The following ATOSB variants were observed in gnomAD, a reference collection of about 807,000 sequenced individuals.
The protein encoded by ATOSB is atos homolog protein B.
the ATOSB span, chr9:35,106,235 T>C: frequency 6.2e-7 from 1 of 1,612,620 alleles, no homozygotes; most frequent in South Asian, 1.1e-5. This position sits in a 1 kb window ranked among gnomAD's most constrained non-coding sequence, Gnocchi z 4.6. Context: ...GACTTTGGGG[T>C]TGGAGTCAAG....
the ATOSB span, chr9:35,107,004 T>A: frequency 6.5e-6 from 6 of 923,658 alleles, no homozygotes; most frequent in African/African-American, 3.3e-5. Context: ...CCTCCACCTT[T>A]ACCCACACAA....
chr9:35,107,228 T>C, the ATOSB span: 1 of 921,796 alleles, frequency 1.1e-6, no homozygotes, highest in Non-Finnish European at 1.6e-6. Context: ...GAGGCTGAGG[T>C]TGGAGGATCC....
At chr9:35,115,124 G>A in the ATOSB span, among the ~76,000 whole-genome samples, 68 of 152,116 alleles carry the variant, frequency 4.5e-4, no homozygotes, top group African/African-American at 1.6e-3. Flanking sequence ...GGAACCCAGC[G>A]GGGGAAGGGT....
At chr9:35,107,491 G>A in the ATOSB span, 1 of 1,606,158 alleles carries the variant, frequency 6.2e-7, no homozygotes, top group Non-Finnish European at 8.5e-7. Flanking sequence ...CGCCTCCGAG[G>A]GGCTGGCCCC....
chr9:35,111,828 G>A, the ATOSB span, among the ~76,000 whole-genome samples: 2 of 152,288 alleles, frequency 1.3e-5, no homozygotes, highest in South Asian at 2.1e-4. Context: ...GACAGCTGCC[G>A]GAGTCCAAAG....
chr9:35,105,314 G>A, the ATOSB span: 68 of 1,613,968 alleles, frequency 4.2e-5, no homozygotes, highest in East Asian at 1.5e-3. The surrounding 1 kb of genome is among the most constrained non-coding windows in gnomAD (Gnocchi z 5.5). Context: ...GGCTCCGGCG[G>A]GAAAAAAGCA....
the ATOSB span, chr9:35,106,990 C>A: frequency 1.6e-5 from 17 of 1,061,064 alleles, no homozygotes; most frequent in South Asian, 1.5e-4. This position sits in a 1 kb window ranked among gnomAD's most constrained non-coding sequence, Gnocchi z 4.6. Flanking sequence ...CCCTGCCCCC[C>A]AGGCCTCCAC....
the ATOSB span, chr9:35,111,693 G>A: frequency 6.7e-6 from 1 of 148,782 alleles, no homozygotes; most frequent in Non-Finnish European, 1.5e-5. Flanking sequence ...CATGCTCATT[G>A]GTCCATAGGA....
the ATOSB span, chr9:35,107,998 G>C: frequency 7.0e-6 from 11 of 1,580,384 alleles, no homozygotes; most frequent in Non-Finnish European, 8.6e-7. Flanking sequence ...GGTTCTTCAG[G>C]GGGTAGTCCC....
the ATOSB span, chr9:35,107,310 A>C: frequency 3.2e-4 from 411 of 1,272,048 alleles, no homozygotes; most frequent in Non-Finnish European, 4.1e-4. Context: ...ATGGAGTGAG[A>C]TCCCATCTCA....
chr9:35,110,897 C>T, the ATOSB span: 1 of 152,130 alleles, frequency 6.6e-6, no homozygotes, highest in Non-Finnish European at 1.5e-5. Context: ...TGCTTTCCAC[C>T]CTCATCCTAT....
the ATOSB span, among the ~76,000 whole-genome samples, chr9:35,112,752 G>A: frequency 3.9e-5 from 6 of 152,264 alleles, no homozygotes; most frequent in Middle Eastern, 3.4e-3. Flanking sequence ...AAACACCAGA[G>A]CCAAAGAGGG....
chr9:35,106,821 C>T, the ATOSB span: 10 of 1,564,620 alleles, frequency 6.4e-6, no homozygotes, highest in South Asian at 1.2e-5. This position sits in a 1 kb window ranked among gnomAD's most constrained non-coding sequence, Gnocchi z 4.6. Context: ...GAGGAAAAAG[C>T]TGGTCACTTA....
chr9:35,104,568 C>CA, the ATOSB span: 1 of 361,454 alleles, frequency 2.8e-6, no homozygotes, highest in Non-Finnish European at 5.9e-6. Flanking sequence ...ACATACCACA[C>CA]AAAGACAAGC....
At chr9:35,109,337 G>A in the ATOSB span, 1 of 152,428 alleles carries the variant, frequency 6.6e-6, no homozygotes, top group African/African-American at 2.4e-5. Context: ...ACAAGAAGGG[G>A]AAGGGGAAGG....
At chr9:35,107,587 G>T in the ATOSB span, 1 of 1,587,836 alleles carries the variant, frequency 6.3e-7, no homozygotes, top group Non-Finnish European at 8.6e-7. Context: ...CCAGGGCCAG[G>T]GGGTGTGTGC....
At chr9:35,108,072 C>T in the ATOSB span, 8 of 1,534,106 alleles carry the variant, frequency 5.2e-6, no homozygotes, top group African/African-American at 1.4e-5. Context: ...TGGGGCTTGT[C>T]GTTTCAGGGC....
At chr9:35,113,762 CCA>C in the ATOSB span, among the ~76,000 whole-genome samples, 1 of 152,102 alleles carries the variant, frequency 6.6e-6, no homozygotes. Flanking sequence ...CCCTCCCCCT[CCA>C]CAATTTCTTT....
chr9:35,107,683 C>T, the ATOSB span: 1 of 1,609,464 alleles, frequency 6.2e-7, no homozygotes, highest in Non-Finnish European at 8.5e-7. Flanking sequence ...GGGCTCTTAC[C>T]CCCTATTTGT....
Sources: gnomAD v4.1 joint callset for allele counts (sites outside exome capture counted in the v4.1 genomes callset) on GRCh38, gnomAD v4.1.1 for gene constraint, Gnocchi (gnomAD v3.1) non-coding constraint, MANE v1.5 for transcripts, NCBI Gene and HGNC (gene_info 2026-07-23, HGNC 2026-07-21) for gene names.